The following GABRR2 variants were observed in gnomAD, a reference collection of about 807,000 sequenced individuals.
The protein encoded by GABRR2 is gamma-aminobutyric acid type A receptor subunit rho2.
GABRR2 carries 36 observed loss-of-function variants against 47.0 expected under a neutral mutation model. The ratio of observed to expected loss-of-function variants is 0.77; its 90% CI spans 0.59 to 1.01. GABRR2 has a LOEUF of 1.01. GABRR2 is among the 50% of genes least tolerant of loss of function. The pLI is 0.00. For missense variants in GABRR2, 587 were observed against 594.6 expected, an observed-to-expected ratio of 0.99 and a Z score of 0.13; for synonymous variants, 204 against 227.5, an observed-to-expected ratio of 0.90 and a Z score of 0.93.
intron 2 of GABRR2, among the ~76,000 whole-genome samples, chr6:89,275,622 G>A (rs999389509): frequency 1.3e-5 from 2 of 152,320 alleles, no homozygotes; most frequent in Middle Eastern, 3.4e-3. Context: ...GGCCAGGATT[G>A]GGGGTCTAGG....
At chr6:89,301,798 C>T in intron 1 of GABRR2, 1 of 845,774 alleles carries the variant, frequency 1.2e-6, no homozygotes, top group Non-Finnish European at 2.0e-6. Context: ...GGAGATCCTG[C>T]ACATTCAGGC....
At chr6:89,283,194 AT>A (rs56937794) in intron 2 of GABRR2, among the ~76,000 whole-genome samples, 6 of 149,374 alleles carry the variant, frequency 4.0e-5, no homozygotes, top group Admixed American at 6.7e-5. Flanking sequence ...TTGGATTTTA[AT>A]TTTTTTTTTT....
At chr6:89,298,477 C>A (rs1162514779) in intron 2 of GABRR2, among the ~76,000 whole-genome samples, 2 of 152,148 alleles carry the variant, frequency 1.3e-5, no homozygotes, top group African/African-American at 4.8e-5. Context: ...GGATTGGTGA[C>A]CTGCCTGGAG....
chr6:89,310,660 C>T (rs910417361), intron 1 of GABRR2, among the ~76,000 whole-genome samples: 8 of 148,940 alleles, frequency 5.4e-5, no homozygotes, highest in African/African-American at 2.0e-4. Context: ...GAACTCAATG[C>T]ATGCATAGTT....
At chr6:89,282,710 G>A (rs1429250754) in intron 2 of GABRR2, among the ~76,000 whole-genome samples, 2 of 152,232 alleles carry the variant, frequency 1.3e-5, no homozygotes, top group Non-Finnish European at 2.9e-5. Context: ...AGCAGCCCAA[G>A]CCCACCACCA....
chr6:89,276,752 T>C (rs1774169890), intron 2 of GABRR2, among the ~76,000 whole-genome samples: 1 of 152,204 alleles, frequency 6.6e-6, no homozygotes. Context: ...GTAGATAAAC[T>C]ATTAGACTGA....
intron 3 of GABRR2, 58 bp downstream of exon 3, chr6:89,271,597 C>T: frequency 6.8e-7 from 1 of 1,462,054 alleles, no homozygotes. Context: ...CAGCCTGCAC[C>T]ACCGAGGCCC....
intron 2 of GABRR2, among the ~76,000 whole-genome samples, chr6:89,282,856 C>G (rs971947479): frequency 6.6e-6 from 1 of 152,250 alleles, no homozygotes; most frequent in African/African-American, 2.4e-5. Flanking sequence ...TCCCCAGCCC[C>G]TCCCAGAGTC....
chr6:89,268,443 T>A (rs1773960012), intron 4 of GABRR2, among the ~76,000 whole-genome samples: 1 of 152,194 alleles, frequency 6.6e-6, no homozygotes, highest in Admixed American at 6.5e-5. Context: ...CTCATCAACT[T>A]CCACCAAAGG....
At chr6:89,269,255 C>A (rs756164179) in intron 3 of GABRR2, 21 bp from the exon 4 acceptor site, 2 of 1,597,054 alleles carry the variant, frequency 1.3e-6, no homozygotes, top group Admixed American at 1.7e-5. Flanking sequence ...CGGGGTGAGA[C>A]CAGACAAAAA....
intron 1 of GABRR2, among the ~76,000 whole-genome samples, chr6:89,304,595 A>AG (rs1451118728): frequency 1.9e-4 from 28 of 150,866 alleles, no homozygotes; most frequent in African/African-American, 6.4e-4. Flanking sequence ...TCTCAAAAAA[A>AG]AGAAAAAAAA....
chr6:89,279,709 A>C lies in GABRR2; in HGVS notation c.221-7987T>G, dbSNP rs1036404680. ...AAAAAAAAAAAAACCCCACTGATACACTGCCTGTATCTGAATTTTGTCACT... is the reference window on the plus strand; with the variant it reads ...AAAAAAAAAAAAACCCCACTGATACCCTGCCTGTATCTGAATTTTGTCACT... On this transcript the variant is annotated intron_variant, in intron 2 of 8. Coordinates refer to ENST00000402938, the MANE Select transcript of GABRR2 (RefSeq NM_002043.5). Among the ~76,000 whole-genome samples the C allele has an allele frequency of 2.0e-5, 3 of 151,256 alleles. No individual in the cohort carries two copies. In the East Asian group the frequency reaches 5.8e-4, roughly 29 times the overall value.
chr6:89,314,370 G>A (rs765684116), intron 1 of GABRR2, among the ~76,000 whole-genome samples: 2 of 152,046 alleles, frequency 1.3e-5, no homozygotes, highest in Non-Finnish European at 2.9e-5. Flanking sequence ...ATGATGCTTC[G>A]TATGTCAATT....
rs578113865 is a variant in GABRR2, at chr6:89,309,357, GC to G, written c.113+5695del. Among the ~76,000 whole-genome samples the G allele has an allele frequency of 2.7e-3, 416 of 151,858 alleles. 1 individual carries two copies. Among genetic ancestry groups the G allele is most frequent in the African/African-American group, 9.6e-3 (396 of 41,402 alleles). Reference sequence around the variant, plus strand: ...AGAGTCCTTTGAACCCTGCCCTCATGCCCCCTCCCCACAGCTTCCTCAGCTT... The same window carrying G: ...AGAGTCCTTTGAACCCTGCCCTCATGCCCCTCCCCACAGCTTCCTCAGCTT... On this transcript the variant is annotated intron_variant, in intron 1 of 8. Transcript: ENST00000402938.
chr6:89,295,582 G>A (rs1017879058), intron 2 of GABRR2, among the ~76,000 whole-genome samples: 8 of 152,104 alleles, frequency 5.3e-5, no homozygotes, highest in African/African-American at 1.9e-4. Context: ...TAGGTTGCCT[G>A]TTCACTCTGA....
chr6:89,273,225 G>A (rs1159206824), intron 2 of GABRR2, among the ~76,000 whole-genome samples: 1 of 152,104 alleles, frequency 6.6e-6, no homozygotes, highest in African/African-American at 2.4e-5. Context: ...TCTTTGCTCT[G>A]ACAGTCGTCC....
intron 2 of GABRR2, among the ~76,000 whole-genome samples, chr6:89,293,148 A>G (rs1774499666): frequency 1.3e-5 from 2 of 152,198 alleles, no homozygotes; most frequent in South Asian, 2.1e-4. Flanking sequence ...ATCACATACT[A>G]CAACATGTAC....
chr6:89,298,305 AC>A (rs1475865045), intron 2 of GABRR2, among the ~76,000 whole-genome samples: 3 of 152,200 alleles, frequency 2.0e-5, no homozygotes, highest in African/African-American at 7.2e-5. Flanking sequence ...TAATCCCTTA[AC>A]AGTCACACAA....
At chr6:89,272,098 A>G (rs1019783530) in intron 2 of GABRR2, among the ~76,000 whole-genome samples, 5 of 152,242 alleles carry the variant, frequency 3.3e-5, no homozygotes, top group Non-Finnish European at 5.9e-5. Context: ...TCTGAAAAAG[A>G]GAATGAGGCC....
Sources: allele counts gnomAD v4.1 joint callset (sites outside exome capture counted in the v4.1 genomes callset), GRCh38; gene constraint gnomAD v4.1.1; transcripts MANE v1.5; gene names NCBI Gene and HGNC (gene_info 2026-07-23, HGNC 2026-07-21).